Variants in BRINP3 observed in about 807,000 individuals in gnomAD.
The protein encoded by BRINP3 is BMP/retinoic acid inducible neural specific 3.
Under a neutral mutation model 71.0 loss-of-function variants are expected in BRINP3, and 19 were observed. The observed-to-expected ratio is 0.27, with a 90% confidence interval of 0.19 to 0.39. The LOEUF is 0.39. Ranked by LOEUF, BRINP3 falls within the 10% of genes least tolerant of loss-of-function variation. BRINP3 has a pLI of 1.00. For synonymous variants in BRINP3, 380 were observed against 337.7 expected, an observed-to-expected ratio of 1.13 and a Z score of -1.37; for missense variants, 959 against 940.8, an observed-to-expected ratio of 1.02 and a Z score of -0.25.
chr1:190,221,266 A>C (rs531956668), intron 6 of BRINP3, among the ~76,000 whole-genome samples: 1 of 152,090 alleles, frequency 6.6e-6, no homozygotes, highest in Non-Finnish European at 1.5e-5. Flanking sequence ...AAAAGTAAAC[A>C]TGTGGGTGAG....
intron 2 of BRINP3, among the ~76,000 whole-genome samples, chr1:190,384,879 T>C (rs892457723): frequency 2.0e-5 from 3 of 151,896 alleles, no homozygotes; most frequent in Non-Finnish European, 1.5e-5. Context: ...AGAATATTGA[T>C]AAAAATAATG....
chr1:190,135,836 C>T (rs1654927157), intron 7 of BRINP3, among the ~76,000 whole-genome samples: 1 of 152,044 alleles, frequency 6.6e-6, no homozygotes, highest in East Asian at 1.9e-4. Flanking sequence ...TGCAGCACAG[C>T]ATATATCATT....
At chr1:190,424,773 CA>C in intron 2 of BRINP3, among the ~76,000 whole-genome samples, 1 of 151,730 alleles carries the variant, frequency 6.6e-6, no homozygotes, top group African/African-American at 2.4e-5. Flanking sequence ...CAGATCATGG[CA>C]AACTAAATCT....
chr1:190,430,933 G>C (rs969624744), intron 2 of BRINP3, among the ~76,000 whole-genome samples: 1 of 151,662 alleles, frequency 6.6e-6, no homozygotes, highest in African/African-American at 2.4e-5. Flanking sequence ...TGTTTATCCT[G>C]TTCAAATGAT....
At chr1:190,422,815 G>T (rs1039756439) in intron 2 of BRINP3, among the ~76,000 whole-genome samples, 11 of 151,786 alleles carry the variant, frequency 7.2e-5, no homozygotes, top group African/African-American at 2.7e-4. Flanking sequence ...TGTAATTTAT[G>T]GCTGAATTAA....
intron 2 of BRINP3, among the ~76,000 whole-genome samples, chr1:190,307,740 C>CT (rs917802565): frequency 2.6e-5 from 4 of 151,892 alleles, no homozygotes; most frequent in Non-Finnish European, 4.4e-5. Context: ...AAGTAACTTT[C>CT]TTTTTTTCAT....
intron 2 of BRINP3, among the ~76,000 whole-genome samples, chr1:190,293,749 G>A (rs1438062193): frequency 6.6e-6 from 1 of 152,088 alleles, no homozygotes; most frequent in Non-Finnish European, 1.5e-5. Context: ...TTACTGAATT[G>A]ATGCTTTTAT....
intron 2 of BRINP3, among the ~76,000 whole-genome samples, chr1:190,300,578 C>A (rs954734644): frequency 6.6e-6 from 1 of 152,138 alleles, no homozygotes; most frequent in South Asian, 2.1e-4. Context: ...AGCTGGAGAT[C>A]TGAGAACGGG....
chr1:190,164,858 C>T (rs1001095446), intron 6 of BRINP3, among the ~76,000 whole-genome samples: 1 of 151,946 alleles, frequency 6.6e-6, no homozygotes. Context: ...CAGGTATGAC[C>T]TACAGTGCCT....
At chr1:190,276,300 C>G (rs1183080732) in intron 3 of BRINP3, among the ~76,000 whole-genome samples, 2 of 151,172 alleles carry the variant, frequency 1.3e-5, no homozygotes, top group African/African-American at 4.9e-5. Context: ...CCTAACAGAC[C>G]AAGTGAAAAT....
intron 7 of BRINP3, among the ~76,000 whole-genome samples, chr1:190,103,061 T>C (rs1651834129): frequency 6.6e-6 from 1 of 152,092 alleles, no homozygotes; most frequent in Non-Finnish European, 1.5e-5. Flanking sequence ...AGGATACACA[T>C]TATACATGTG....
intron 2 of BRINP3, among the ~76,000 whole-genome samples, chr1:190,383,864 A>G (rs1437987258): frequency 6.6e-6 from 1 of 152,044 alleles, no homozygotes; most frequent in African/African-American, 2.4e-5. Context: ...AATAAATGTT[A>G]TTGATTATTA....
intron 6 of BRINP3, among the ~76,000 whole-genome samples, chr1:190,206,385 G>A (rs968542821): frequency 5.3e-5 from 8 of 151,920 alleles, no homozygotes; most frequent in Non-Finnish European, 1.0e-4. Flanking sequence ...ATAATACATT[G>A]AGGATCTGCA....
chr1:190,231,137 A>G (rs1657947723), intron 5 of BRINP3, among the ~76,000 whole-genome samples: 1 of 151,848 alleles, frequency 6.6e-6, no homozygotes, highest in African/African-American at 2.4e-5. Context: ...AGCAAATATA[A>G]TCAGCTTTTT....
At chr1:190,443,297 C>T (rs1365154805) in intron 2 of BRINP3, among the ~76,000 whole-genome samples, 10 of 150,156 alleles carry the variant, frequency 6.7e-5, no homozygotes, top group African/African-American at 2.4e-4. Flanking sequence ...CCCAGTTACT[C>T]GGGAGGCTGA....
intron 2 of BRINP3, among the ~76,000 whole-genome samples, chr1:190,292,497 A>C (rs1288377507): frequency 6.6e-6 from 1 of 152,000 alleles, no homozygotes. Flanking sequence ...AAAAAATAAA[A>C]AATAGCTTAC....
intron 6 of BRINP3, among the ~76,000 whole-genome samples, chr1:190,199,797 C>G (rs1307339107): frequency 1.4e-5 from 2 of 143,330 alleles, no homozygotes; most frequent in Non-Finnish European, 3.0e-5. Flanking sequence ...AAAACAAAAA[C>G]AAACAAAAAA....
At position 190,205,290 on chromosome 1, in the gene BRINP3, C is replaced by T. The variant is rs187942291; in HGVS notation, c.961+20792G>A. Among the ~76,000 whole-genome samples, 21 of 150,668 alleles carry T rather than the reference C, an allele frequency of 1.4e-4. No homozygotes were observed. The South Asian group carries it at 3.8e-3, about 27-fold the overall frequency. ...AGCAGAATCTTCGCAAGCCAGTAAG[C>T]GGTTGATATGGTTCTCTTTTCTACC... is the stretch of plus-strand genomic sequence containing the variant. On this transcript the variant is annotated intron_variant, in intron 6 of 7. Coordinates refer to ENST00000367462, the MANE Select transcript of BRINP3 (RefSeq NM_199051.3).
At chr1:190,433,667 T>G (rs2102520162) in intron 2 of BRINP3, among the ~76,000 whole-genome samples, 1 of 152,304 alleles carries the variant, frequency 6.6e-6, no homozygotes, top group South Asian at 2.1e-4. Context: ...GGTCACAATC[T>G]GAAATTATTA....
Sources: allele counts gnomAD v4.1 joint callset (sites outside exome capture counted in the v4.1 genomes callset), GRCh38; gene constraint gnomAD v4.1.1; transcripts MANE v1.5; gene names NCBI Gene and HGNC (gene_info 2026-07-23, HGNC 2026-07-21).